NOVA1: variants seen among roughly 807,000 people sequenced by gnomAD.
The protein encoded by NOVA1 is NOVA alternative splicing regulator 1.
NOVA1 carries 7 observed loss-of-function variants against 38.0 expected under a neutral mutation model. That is an observed-to-expected ratio of 0.18 (90% CI 0.10 to 0.35). The LOEUF (loss-of-function observed/expected upper bound fraction) is 0.35, where lower values mean the gene tolerates loss of function less well. Ranked by LOEUF, NOVA1 falls within the 10% of genes least tolerant of loss-of-function variation. The pLI, the probability that NOVA1 is intolerant of heterozygous loss-of-function variation, is 1.00. For missense variants in NOVA1, 460 were observed against 616.0 expected, an observed-to-expected ratio of 0.75 and a Z score of 2.68; for synonymous variants, 270 against 232.5, an observed-to-expected ratio of 1.16 and a Z score of -1.47.
chr14:26,530,799 A>G (rs1476503067), intron 2 of NOVA1, among the ~76,000 whole-genome samples: 2 of 152,190 alleles, frequency 1.3e-5, no homozygotes, highest in African/African-American at 4.8e-5. Flanking sequence ...GTAAGTATTA[A>G]GTAAATAAAT....
chr14:26,570,845 T>C (rs1269026358), intron 2 of NOVA1, among the ~76,000 whole-genome samples: 3 of 152,190 alleles, frequency 2.0e-5, no homozygotes, highest in African/African-American at 7.2e-5. Flanking sequence ...AACCAACCTT[T>C]ACTCTATTAA....
At chr14:26,469,685 C>G (rs1177594609) in intron 4 of NOVA1, among the ~76,000 whole-genome samples, 1 of 152,114 alleles carries the variant, frequency 6.6e-6, no homozygotes, top group African/African-American at 2.4e-5. Context: ...GAACTCCTGG[C>G]CTCAGGCACT....
Position 26,597,672 on chromosome 14 carries a change from CAGGGGAATG to C in NOVA1, c.-245_-237del, listed in dbSNP as rs1273711188. 1 of 1,189,708 alleles carries C rather than the reference CAGGGGAATG, an allele frequency of 8.4e-7. No homozygotes were observed. The allele number at this position is 1,189,708 out of a possible 1,614,324, so 73.7% of individuals were successfully genotyped here. Reference sequence around the variant, plus strand: ...CTGCAGTGCAGTGTCAGAAAGGAGACAGGGGAATGGAGGGGGTGTGAGAGACGGAGGGTG... The same window carrying C: ...CTGCAGTGCAGTGTCAGAAAGGAGACGAGGGGGTGTGAGAGACGGAGGGTG... On this transcript the variant is annotated 5_prime_UTR_variant, in exon 1 of 5. Coordinates refer to ENST00000539517, the MANE Select transcript of NOVA1 (RefSeq NM_002515.3).
At chr14:26,470,267 AT>A in intron 4 of NOVA1, 1 of 1,274,128 alleles carries the variant, frequency 7.8e-7, no homozygotes, top group Non-Finnish European at 1.0e-6. Context: ...GCAAAGCTAA[AT>A]TAATCAGGAC....
chr14:26,455,046 G>T (rs1244040797), intron 4 of NOVA1, among the ~76,000 whole-genome samples: 1 of 152,136 alleles, frequency 6.6e-6, no homozygotes, highest in East Asian at 1.9e-4. Flanking sequence ...ATGTACAACA[G>T]ATTTACATGA....
chr14:26,541,915 T>TA (rs1479022820), intron 2 of NOVA1, among the ~76,000 whole-genome samples: 3 of 151,890 alleles, frequency 2.0e-5, no homozygotes, highest in Admixed American at 6.6e-5. Context: ...ATATATATTA[T>TA]ATATTATAAT....
chr14:26,533,270 T>C (rs994471549), intron 2 of NOVA1, among the ~76,000 whole-genome samples: 3 of 152,232 alleles, frequency 2.0e-5, no homozygotes, highest in African/African-American at 7.2e-5. Context: ...CCTTCATTTC[T>C]ATCTCTATTT....
chr14:26,520,648 A>T (rs1471400693), intron 2 of NOVA1, among the ~76,000 whole-genome samples: 1 of 152,130 alleles, frequency 6.6e-6, no homozygotes, highest in East Asian at 1.9e-4. Context: ...ATCACTATGC[A>T]CATGCTTGTT....
intron 2 of NOVA1, among the ~76,000 whole-genome samples, chr14:26,558,114 C>T (rs913491721): frequency 6.6e-5 from 10 of 151,348 alleles, no homozygotes; most frequent in Middle Eastern, 7.0e-3. Flanking sequence ...AAGGGTGCCT[C>T]GGAGGGAAAA....
At chr14:26,450,103 T>C (rs1038114241) in intron 4 of NOVA1, among the ~76,000 whole-genome samples, 34 of 152,136 alleles carry the variant, frequency 2.2e-4, no homozygotes, top group Non-Finnish European at 4.1e-4. Flanking sequence ...ACTGAAGTAA[T>C]TGCTTTCCTT....
chr14:26,534,348 AAG>A (rs1025022279), intron 2 of NOVA1, among the ~76,000 whole-genome samples: 1 of 152,188 alleles, frequency 6.6e-6, no homozygotes, highest in Non-Finnish European at 1.5e-5. Flanking sequence ...GTTAAAGAGC[AAG>A]AAACAAATTA....
chr14:26,506,323 T>C (rs1299687537), intron 2 of NOVA1, among the ~76,000 whole-genome samples: 1 of 152,158 alleles, frequency 6.6e-6, no homozygotes, highest in Non-Finnish European at 1.5e-5. Context: ...CATACCTTAG[T>C]GGTATTGCTT....
intron 4 of NOVA1, among the ~76,000 whole-genome samples, chr14:26,453,406 A>T (rs1882896672): frequency 6.6e-6 from 1 of 152,042 alleles, no homozygotes; most frequent in African/African-American, 2.4e-5. Context: ...AAGAATCTTT[A>T]CTTAAACCTT....
chr14:26,550,715 C>G (rs973962450), intron 2 of NOVA1, among the ~76,000 whole-genome samples: 1 of 152,082 alleles, frequency 6.6e-6, no homozygotes, highest in Non-Finnish European at 1.5e-5. Context: ...TTACATTATT[C>G]AAAATATTCA....
intron 2 of NOVA1, among the ~76,000 whole-genome samples, chr14:26,585,093 G>T (rs1451077260): frequency 6.6e-6 from 1 of 151,426 alleles, no homozygotes; most frequent in Non-Finnish European, 1.5e-5. Context: ...AGGCATGAAA[G>T]AGTGCTATCT....
chr14:26,471,893 TA>T (rs1440543063), intron 4 of NOVA1: 1 of 194,128 alleles, frequency 5.2e-6, no homozygotes. Flanking sequence ...ATGTCTCAAA[TA>T]AAAAGCAAAT....
intron 3 of NOVA1, among the ~76,000 whole-genome samples, chr14:26,477,533 C>A (rs1042736125): frequency 6.6e-5 from 10 of 152,004 alleles, no homozygotes; most frequent in African/African-American, 2.2e-4. Flanking sequence ...CCCACTCAGT[C>A]AATAAGGGCA....
chr14:26,541,098 A>C (rs963195463), intron 2 of NOVA1, among the ~76,000 whole-genome samples: 1 of 152,168 alleles, frequency 6.6e-6, no homozygotes, highest in African/African-American at 2.4e-5. Context: ...TGAAGACATA[A>C]GCAAAGAATG....
At chr14:26,453,367 C>A (rs560957445) in intron 4 of NOVA1, among the ~76,000 whole-genome samples, 6 of 151,898 alleles carry the variant, frequency 4.0e-5, no homozygotes, top group Admixed American at 1.3e-4. Flanking sequence ...GCCACTGTAC[C>A]CAGCTTAATA....
Sources: gnomAD v4.1 joint callset for allele counts (sites outside exome capture counted in the v4.1 genomes callset) on GRCh38, gnomAD v4.1.1 for gene constraint, MANE v1.5 for transcripts, NCBI Gene and HGNC (gene_info 2026-07-23, HGNC 2026-07-21) for gene names.